DLGAP1: variants seen among roughly 807,000 people sequenced by gnomAD.
The protein encoded by DLGAP1 is disks large-associated protein 1.
A neutral mutation model predicts 90.8 loss-of-function variants in DLGAP1; 11 were observed. The ratio of observed to expected loss-of-function variants is 0.12; its 90% CI spans 0.08 to 0.20. DLGAP1 has a LOEUF of 0.20. Ranked by LOEUF, DLGAP1 falls within the 10% of genes least tolerant of loss-of-function variation. DLGAP1 has a pLI of 1.00. For synonymous variants in DLGAP1, 558 were observed against 540.7 expected (o/e 1.03, Z -0.44); for missense variants, 1,050 against 1,333.8 (o/e 0.79, Z 3.31).
intron 12 of DLGAP1, chr18:3,502,037 CT>C: frequency 2.1e-6 from 1 of 487,016 alleles, no homozygotes; most frequent in South Asian, 8.9e-5. Flanking sequence ...ACAGTAATTT[CT>C]TTATTACTAT....
chr18:4,285,631 C>T (rs917198678), intron 1 of DLGAP1, among the ~76,000 whole-genome samples: 1 of 152,158 alleles, frequency 6.6e-6, no homozygotes. Flanking sequence ...AGGGCAGCCA[C>T]ATAGTGGAAG....
chr18:3,503,788 C>T (rs1360428515), intron 11 of DLGAP1, among the ~76,000 whole-genome samples: 5 of 152,190 alleles, frequency 3.3e-5, no homozygotes, highest in African/African-American at 1.2e-4. Flanking sequence ...GTATTATTGG[C>T]CTACCTCAAA....
intron 2 of DLGAP1, among the ~76,000 whole-genome samples, chr18:4,026,383 A>G (rs1049679019): frequency 2.0e-5 from 3 of 152,222 alleles, no homozygotes; most frequent in African/African-American, 7.2e-5. Context: ...CTTTAAAAGT[A>G]TAATGAAGCC....
intron 1 of DLGAP1, among the ~76,000 whole-genome samples, chr18:4,211,975 T>A (rs2077850716): frequency 6.6e-6 from 1 of 152,158 alleles, no homozygotes; most frequent in Non-Finnish European, 1.5e-5. Context: ...AGAAACTTTT[T>A]AAAAATACAA....
At chr18:3,672,805 A>G (rs2060147849) in intron 7 of DLGAP1, among the ~76,000 whole-genome samples, 2 of 151,942 alleles carry the variant, frequency 1.3e-5, no homozygotes, top group African/African-American at 4.8e-5. Context: ...GCTGGCAAGA[A>G]CCAAGCTAGT....
intron 1 of DLGAP1, among the ~76,000 whole-genome samples, chr18:4,311,686 T>C (rs1234891650): frequency 6.6e-6 from 1 of 152,136 alleles, no homozygotes; most frequent in Non-Finnish European, 1.5e-5. Context: ...TTAATCTAGA[T>C]ATGTGCTCCT....
chr18:3,534,108 T>A, intron 10 of DLGAP1, 86 bp downstream of exon 10: 1 of 1,433,768 alleles, frequency 7.0e-7, no homozygotes. Context: ...CAAGTGAAGC[T>A]GGCAGAGAAG....
chr18:4,173,802 G>A (rs1485137947), intron 1 of DLGAP1, among the ~76,000 whole-genome samples: 3 of 152,200 alleles, frequency 2.0e-5, no homozygotes, highest in Admixed American at 6.5e-5. Context: ...TGTAATGGCT[G>A]CTGAGAGCTT....
chr18:3,819,893 A>C (rs138524168), intron 4 of DLGAP1, among the ~76,000 whole-genome samples: 1 of 152,378 alleles, frequency 6.6e-6, no homozygotes, highest in African/African-American at 2.4e-5. Context: ...TGTTTGAAGG[A>C]AAAAATTAAT....
At chr18:4,259,573 C>T (rs1458599643) in intron 1 of DLGAP1, among the ~76,000 whole-genome samples, 2 of 152,140 alleles carry the variant, frequency 1.3e-5, no homozygotes, top group East Asian at 1.9e-4. Context: ...GTCTGCATCA[C>T]TCTGAATGAA....
intron 3 of DLGAP1, among the ~76,000 whole-genome samples, chr18:3,930,312 C>T (rs1386792278): frequency 6.6e-6 from 1 of 152,166 alleles, no homozygotes; most frequent in Non-Finnish European, 1.5e-5. Flanking sequence ...GGGTGTGGTA[C>T]TGTGCTATGC....
chr18:3,530,177 G>A (rs796960035), intron 10 of DLGAP1, among the ~76,000 whole-genome samples: 1 of 152,162 alleles, frequency 6.6e-6, no homozygotes, highest in South Asian at 2.1e-4. Context: ...AGGCAGAAGT[G>A]GGGGGATTGC....
intron 3 of DLGAP1, among the ~76,000 whole-genome samples, chr18:3,909,524 G>C (rs1245089500): frequency 6.6e-6 from 1 of 152,050 alleles, no homozygotes; most frequent in African/African-American, 2.4e-5. Flanking sequence ...TTATTGATTA[G>C]GGTTCTTTTC....
At chr18:4,070,357 T>A (rs2075429044) in intron 2 of DLGAP1, among the ~76,000 whole-genome samples, 1 of 151,912 alleles carries the variant, frequency 6.6e-6, no homozygotes, top group Non-Finnish European at 1.5e-5. Flanking sequence ...CACAGAAATC[T>A]TTTTTTTATG....
intron 2 of DLGAP1, among the ~76,000 whole-genome samples, chr18:4,043,758 G>A (rs1264156996): frequency 6.6e-6 from 1 of 152,028 alleles, no homozygotes; most frequent in East Asian, 1.9e-4. Context: ...AGGATACATT[G>A]GAGCAACGGG....
chr18:3,579,151 T>C (rs1047709737), intron 8 of DLGAP1, among the ~76,000 whole-genome samples: 1 of 152,216 alleles, frequency 6.6e-6, no homozygotes, highest in Admixed American at 6.5e-5. Flanking sequence ...AGTATAGTGA[T>C]GGTCACACAA....
chr18:4,416,003 T>C (rs1326018165), intron 1 of DLGAP1, among the ~76,000 whole-genome samples: 1 of 152,204 alleles, frequency 6.6e-6, no homozygotes, highest in Non-Finnish European at 1.5e-5. Flanking sequence ...AATATAAAAC[T>C]GCAGTCCTAT....
At chr18:4,443,089 A>G (rs995628685) in intron 1 of DLGAP1, among the ~76,000 whole-genome samples, 8 of 152,352 alleles carry the variant, frequency 5.3e-5, no homozygotes, top group African/African-American at 1.7e-4. Flanking sequence ...CAAAGTTGAA[A>G]AGAATACATT....
At chr18:3,742,917 T>C (rs560485078) in intron 5 of DLGAP1, among the ~76,000 whole-genome samples, 1 of 152,170 alleles carries the variant, frequency 6.6e-6, no homozygotes, top group Non-Finnish European at 1.5e-5. Flanking sequence ...AGTGGGTATA[T>C]ATCTATATCT....
Sources: gnomAD v4.1 joint callset for allele counts (sites outside exome capture counted in the v4.1 genomes callset) on GRCh38, gnomAD v4.1.1 for gene constraint, MANE v1.5 for transcripts, NCBI Gene and HGNC (gene_info 2026-07-23, HGNC 2026-07-21) for gene names.